GREB1L: variants seen among roughly 807,000 people sequenced by gnomAD.
GREB1L encodes the protein GREB1 like retinoic acid receptor coactivator.
In GREB1L, 17 loss-of-function variants were observed where a neutral mutation model predicts 200.8. The ratio of observed to expected loss-of-function variants is 0.08; its 90% CI spans 0.06 to 0.13. The LOEUF (loss-of-function observed/expected upper bound fraction) is 0.13, where lower values mean the gene tolerates loss of function less well. Ranked by LOEUF, GREB1L falls within the 10% of genes least tolerant of loss-of-function variation. The pLI is 1.00. For missense variants in GREB1L, 1,657 were observed against 2,367.7 expected (o/e 0.70, Z 6.23); for synonymous variants, 789 against 893.0 (o/e 0.88, Z 2.08).
At chr18:21,511,622 T>C (rs978258826) in intron 27 of GREB1L, among the ~76,000 whole-genome samples, 7 of 152,158 alleles carry the variant, frequency 4.6e-5, no homozygotes, top group African/African-American at 1.4e-4. Flanking sequence ...CTTCATTCTT[T>C]TGCATGTGAC....
chr18:21,423,234 C>A (rs968321671), intron 7 of GREB1L, among the ~76,000 whole-genome samples: 3 of 152,114 alleles, frequency 2.0e-5, no homozygotes, highest in Admixed American at 6.6e-5. Flanking sequence ...GGCCCAAAAT[C>A]TGTTTTTTAA....
At chr18:21,512,704 T>C (rs1403608031) in intron 27 of GREB1L, among the ~76,000 whole-genome samples, 2 of 152,028 alleles carry the variant, frequency 1.3e-5, no homozygotes, top group African/African-American at 2.4e-5. Context: ...TAAATAGAAA[T>C]GGTAAAAGTG....
chr18:21,496,793 G>A (rs1384648712), intron 21 of GREB1L, 95 bp downstream of exon 21: 5 of 1,373,152 alleles, frequency 3.6e-6, no homozygotes, highest in South Asian at 2.9e-5. Context: ...ACACCCCAAC[G>A]GCCTTCAGAG....
chr18:21,412,608 A>G (rs1163937712), intron 7 of GREB1L, among the ~76,000 whole-genome samples: 1 of 152,190 alleles, frequency 6.6e-6, no homozygotes, highest in Non-Finnish European at 1.5e-5. Context: ...CTATTTGAGG[A>G]ATGCATACAA....
At chr18:21,482,579 G>A (rs546414409) in intron 17 of GREB1L, among the ~76,000 whole-genome samples, 1 of 151,748 alleles carries the variant, frequency 6.6e-6, no homozygotes, top group Admixed American at 6.6e-5. Context: ...TTGATTTGTG[G>A]AGGGCAGATG....
At chr18:21,303,025 T>A (rs1185917165) in intron 1 of GREB1L, among the ~76,000 whole-genome samples, 1 of 152,068 alleles carries the variant, frequency 6.6e-6, no homozygotes, top group African/African-American at 2.4e-5. Context: ...CCGGCCTAAT[T>A]TTTCTGTATT....
chr18:21,397,165 T>C (rs1015722401), intron 5 of GREB1L, among the ~76,000 whole-genome samples: 2 of 152,164 alleles, frequency 1.3e-5, no homozygotes, highest in Non-Finnish European at 2.9e-5. Flanking sequence ...GGAAAAGAAA[T>C]GGTAATTTTC....
rs1354160136 is a variant in GREB1L, at chr18:21,516,604, A to G, written c.5130-9A>G. 1.9e-5 allele frequency: 29 copies of G among 1,550,756 alleles called. No homozygotes were observed. Among genetic ancestry groups the G allele is most frequent in the Non-Finnish European group, 2.4e-5 (27 of 1,146,358 alleles). On this transcript the variant is annotated splice_polypyrimidine_tract_variant and intron_variant, in intron 29 of 32. Transcript: ENST00000424526. ...GCGGAAGAAAACTATTGTTGTGGTT[A>G]CAATTTAGGTATTTCTGTGAAGATG...
At chr18:21,408,128 A>G (rs757086585) in intron 7 of GREB1L, among the ~76,000 whole-genome samples, 16 of 146,266 alleles carry the variant, frequency 1.1e-4, no homozygotes, top group Admixed American at 4.0e-4. Context: ...TGTTCCCAAT[A>G]CACACACAAA....
chr18:21,290,691 G>T (rs1431088945), intron 1 of GREB1L, among the ~76,000 whole-genome samples: 1 of 152,140 alleles, frequency 6.6e-6, no homozygotes, highest in Non-Finnish European at 1.5e-5. Flanking sequence ...GGGTGTGGTG[G>T]CATGTGCCTG....
chr18:21,520,859 T>G, intron 32 of GREB1L, 36 bp downstream of exon 32: 1 of 1,504,668 alleles, frequency 6.6e-7, no homozygotes, highest in South Asian at 1.3e-5. Flanking sequence ...GTAATTGCTA[T>G]TGGTTCCCAC....
At chr18:21,277,969 G>A (rs2038196954) in intron 1 of GREB1L, among the ~76,000 whole-genome samples, 1 of 152,096 alleles carries the variant, frequency 6.6e-6, no homozygotes, top group South Asian at 2.1e-4. Context: ...CTTACTCTAG[G>A]GCCTGCTGAT....
chr18:21,285,158 C>G (rs2038334810), intron 1 of GREB1L, among the ~76,000 whole-genome samples: 1 of 151,478 alleles, frequency 6.6e-6, no homozygotes. Context: ...TTTTTTGTTA[C>G]TTTTTAATTT....
chr18:21,249,995 T>A (rs2143918448), intron 1 of GREB1L, among the ~76,000 whole-genome samples: 1 of 152,258 alleles, frequency 6.6e-6, no homozygotes, highest in East Asian at 1.9e-4. Flanking sequence ...AAAGGGGAAT[T>A]AGAAAGTAAG....
intron 23 of GREB1L, among the ~76,000 whole-genome samples, chr18:21,501,641 G>A (rs1598936754): frequency 2.0e-5 from 3 of 152,324 alleles, no homozygotes; most frequent in South Asian, 2.1e-4. Context: ...GTTAACTATT[G>A]TAAAATTCGA....
intron 32 of GREB1L, among the ~76,000 whole-genome samples, chr18:21,521,980 G>A (rs1419404156): frequency 2.0e-5 from 2 of 100,966 alleles, no homozygotes; most frequent in African/African-American, 8.1e-5. Flanking sequence ...CTCCAGCCTG[G>A]GCAACAGAGG....
At chr18:21,298,279 TTC>T (rs2038561949) in intron 1 of GREB1L, among the ~76,000 whole-genome samples, 1 of 152,200 alleles carries the variant, frequency 6.6e-6, no homozygotes, top group South Asian at 2.1e-4. Flanking sequence ...TGTTCTCCTT[TTC>T]TCTCTTTCTC....
At chr18:21,339,343 C>T (rs1458552746) in intron 1 of GREB1L, among the ~76,000 whole-genome samples, 2 of 152,124 alleles carry the variant, frequency 1.3e-5, no homozygotes, top group Admixed American at 6.5e-5. Context: ...TCAGTCTGAC[C>T]TCAGATATTT....
At chr18:21,304,039 C>A (rs1336719261) in intron 1 of GREB1L, among the ~76,000 whole-genome samples, 2 of 152,158 alleles carry the variant, frequency 1.3e-5, no homozygotes, top group Non-Finnish European at 2.9e-5. Context: ...GTTGCCCCCC[C>A]ATAGAATTTA....
Sources: gnomAD v4.1 joint callset for allele counts (sites outside exome capture counted in the v4.1 genomes callset) on GRCh38, gnomAD v4.1.1 for gene constraint, MANE v1.5 for transcripts, NCBI Gene and HGNC (gene_info 2026-07-23, HGNC 2026-07-21) for gene names.